Variants in DIP2C observed in about 807,000 individuals in gnomAD.
DIP2C encodes the protein disco-interacting protein 2 homolog C.
A neutral mutation model predicts 192.4 loss-of-function variants in DIP2C; 33 were observed. The ratio of observed to expected loss-of-function variants is 0.17; its 90% CI spans 0.13 to 0.23. DIP2C has a LOEUF of 0.23. Ranked by LOEUF, DIP2C falls within the 10% of genes least tolerant of loss-of-function variation. The pLI, the probability that DIP2C is intolerant of heterozygous loss-of-function variation, is 1.00. For missense variants in DIP2C, 1,537 were observed against 2,110.1 expected, an observed-to-expected ratio of 0.73 and a Z score of 5.32; for synonymous variants, 979 against 864.1, an observed-to-expected ratio of 1.13 and a Z score of -2.33.
At chr10:320,186 C>A (rs183771941) in intron 31 of DIP2C, among the ~76,000 whole-genome samples, 1 of 152,166 alleles carries the variant, frequency 6.6e-6, no homozygotes, top group Non-Finnish European at 1.5e-5. Context: ...AGACTAGACT[C>A]TAGTCAAGTA....
intron 1 of DIP2C, among the ~76,000 whole-genome samples, chr10:612,245 T>A (rs1383161781): frequency 6.6e-6 from 1 of 151,088 alleles, no homozygotes; most frequent in African/African-American, 2.4e-5. Context: ...TGAGCCAAGG[T>A]CACACCACTG....
intron 3 of DIP2C, among the ~76,000 whole-genome samples, chr10:452,660 C>G (rs995455802): frequency 2.0e-5 from 3 of 152,224 alleles, no homozygotes; most frequent in Non-Finnish European, 2.9e-5. Context: ...GCCACGATGG[C>G]CCCCTGGTTC....
At chr10:519,424 C>T (rs1164211943) in intron 1 of DIP2C, among the ~76,000 whole-genome samples, 1 of 152,066 alleles carries the variant, frequency 6.6e-6, no homozygotes, top group East Asian at 1.9e-4. Context: ...CTGACCCACG[C>T]AGCACGTTTC....
intron 26 of DIP2C, among the ~76,000 whole-genome samples, chr10:348,052 C>T (rs11251862): frequency 1.6e-5 from 2 of 122,172 alleles, no homozygotes; most frequent in South Asian, 4.9e-4. Flanking sequence ...AAACCCCACA[C>T]GCACCCAGAC....
intron 1 of DIP2C, among the ~76,000 whole-genome samples, chr10:635,661 G>A (rs776219528): frequency 3.9e-5 from 6 of 152,206 alleles, no homozygotes; most frequent in South Asian, 2.1e-4. Flanking sequence ...GCCCAGCTGC[G>A]GGCACTGCCC....
chr10:593,450 G>C (rs928635318), intron 1 of DIP2C, among the ~76,000 whole-genome samples: 1 of 151,142 alleles, frequency 6.6e-6, no homozygotes, highest in Admixed American at 6.6e-5. Context: ...CCCACACCCG[G>C]GTCTGTGCAT....
intron 1 of DIP2C, chr10:650,709 C>A (rs1319889876): frequency 6.4e-6 from 4 of 625,816 alleles, no homozygotes; most frequent in African/African-American, 5.5e-5. Context: ...TGGCTTCTGG[C>A]CAGAGTGCTC....
chr10:448,599 CA>C (rs1300427125), intron 3 of DIP2C, among the ~76,000 whole-genome samples: 104 of 91,446 alleles, frequency 1.1e-3, no homozygotes, highest in African/African-American at 3.0e-3. Flanking sequence ...CACAGTGGGG[CA>C]AGCAGGACCC....
intron 1 of DIP2C, among the ~76,000 whole-genome samples, chr10:579,610 T>C (rs1352364594): frequency 1.3e-5 from 2 of 151,986 alleles, no homozygotes; most frequent in Non-Finnish European, 2.9e-5. Flanking sequence ...CCAAATAGTG[T>C]ACAAACATGT....
chr10:550,683 C>T (rs918831983), intron 1 of DIP2C, among the ~76,000 whole-genome samples: 2 of 152,070 alleles, frequency 1.3e-5, no homozygotes. Flanking sequence ...CCTGTAAAAT[C>T]AGGTGGAGAA....
chr10:372,723 C>G (rs925678470), intron 17 of DIP2C, among the ~76,000 whole-genome samples: 2 of 151,548 alleles, frequency 1.3e-5, no homozygotes, highest in African/African-American at 4.9e-5. Flanking sequence ...GCAGGAGGTC[C>G]CAACACACAG....
intron 1 of DIP2C, among the ~76,000 whole-genome samples, chr10:562,557 C>T (rs1424041250): frequency 3.3e-5 from 5 of 152,330 alleles, no homozygotes; most frequent in East Asian, 3.9e-4. Flanking sequence ...CATATGCACA[C>T]GGATGGTCGT....
intron 1 of DIP2C, among the ~76,000 whole-genome samples, chr10:616,729 C>A (rs536043317): frequency 2.6e-5 from 4 of 152,322 alleles, no homozygotes; most frequent in African/African-American, 9.6e-5. Context: ...ACCCTGTGTA[C>A]CTTCCTCAAA....
rs1442930923 is a variant in DIP2C at position 275,179 on chromosome 10, A to C, written c.*2146T>G. The C allele has an allele frequency of 1.3e-5, 2 of 152,200 alleles. No individual in the cohort carries two copies. Among genetic ancestry groups the C allele is most frequent in the African/African-American group, 4.8e-5 (2 of 41,448 alleles). 9.4% of individuals were successfully genotyped at this position (152,200 alleles called of 1,614,324 possible). A position where few individuals can be genotyped will look rare whatever the true frequency, so the allele number is the denominator to read the frequency against. On this transcript the variant is annotated 3_prime_UTR_variant, in exon 37 of 37. Coordinates refer to ENST00000280886, the MANE Select transcript of DIP2C (RefSeq NM_014974.3). ...TGTTTTGCTTCCTGACTTCAGCTGG[A>C]CCTCAAAGCTGTCCTGCACACTGCA...
chr10:603,333 A>AAAAAAAAAAG (rs1852230488), intron 1 of DIP2C, among the ~76,000 whole-genome samples: 1 of 121,136 alleles, frequency 8.3e-6, no homozygotes, highest in African/African-American at 3.5e-5. Context: ...AAAAAAAAAA[A>AAAAAAAAAAG]CCAACCATGA....
chr10:650,343 G>C, intron 1 of DIP2C: 1 of 717,264 alleles, frequency 1.4e-6, no homozygotes, highest in South Asian at 1.5e-5. Context: ...CACAGCCACT[G>C]CAAGCCCCAG....
intron 8 of DIP2C, among the ~76,000 whole-genome samples, chr10:410,538 C>T (rs1965119077): frequency 1.3e-5 from 2 of 152,040 alleles, no homozygotes; most frequent in Admixed American, 1.3e-4. Flanking sequence ...ATTTTTTCCC[C>T]AACAAAAACA....
intron 3 of DIP2C, among the ~76,000 whole-genome samples, chr10:464,886 C>T (rs1970083026): frequency 6.6e-6 from 1 of 151,074 alleles, no homozygotes; most frequent in South Asian, 2.1e-4. Flanking sequence ...GAAATTGTGG[C>T]AATAATCAAT....
At chr10:403,659 G>T (rs1414906589) in intron 9 of DIP2C, among the ~76,000 whole-genome samples, 7 of 113,966 alleles carry the variant, frequency 6.1e-5, no homozygotes, top group Non-Finnish European at 3.6e-5. Flanking sequence ...TTTGGTATGT[G>T]TTCATCAGCA....
Sources: gnomAD v4.1 joint callset for allele counts (sites outside exome capture counted in the v4.1 genomes callset) on GRCh38, gnomAD v4.1.1 for gene constraint, MANE v1.5 for transcripts, NCBI Gene and HGNC (gene_info 2026-07-23, HGNC 2026-07-21) for gene names.